CPAMD8: variants seen among roughly 807,000 people sequenced by gnomAD.
CPAMD8 encodes C3 and PZP like alpha-2-macroglobulin domain containing 8, also known as C3 and PZP-like alpha-2-macroglobulin domain-containing protein 8.
A neutral mutation model predicts 224.7 loss-of-function variants in CPAMD8; 146 were observed. The ratio of observed to expected loss-of-function variants is 0.65; its 90% confidence interval spans 0.57 to 0.75. The LOEUF is 0.75. CPAMD8 is among the 30% of genes least tolerant of loss of function. CPAMD8 has a pLI of 0.00. For missense variants in CPAMD8, 2,301 were observed against 2,537.5 expected, an observed-to-expected ratio of 0.91 and a Z score of 2.00; for synonymous variants, 966 against 1,044.6, an observed-to-expected ratio of 0.92 and a Z score of 1.45.
chr19:16,904,477 A>G lies in CPAMD8; in HGVS notation c.4103T>C (p.Val1368Ala), dbSNP rs1451604975. ...KGTFLSFSDR[V>A]SQSVVSAEVE... ...GGGGTGGCCAGTACCTGACTGAGAGACCCTGTCACTGAAGCTCAAGAATGT... is the reference window on the plus strand; with the variant it reads ...GGGGTGGCCAGTACCTGACTGAGAGGCCCTGTCACTGAAGCTCAAGAATGT... Residue 1368 changes from valine to alanine, a missense_variant, in exon 31 of 42, where the codon GTC becomes GCC. Coordinates refer to ENST00000443236, the MANE Select transcript of CPAMD8 (RefSeq NM_015692.5). The G allele has an allele frequency of 6.2e-7, 1 of 1,613,886 alleles. No homozygotes were observed. The highest frequency in any genetic ancestry group is 1.1e-5 in the South Asian group (1 of 91,084).
intron 27 of CPAMD8, among the ~76,000 whole-genome samples, chr19:16,918,261 C>T (rs1460988834): frequency 1.3e-5 from 2 of 152,154 alleles, no homozygotes; most frequent in Non-Finnish European, 2.9e-5. Context: ...TCCCAAAGTG[C>T]TGGGATTCCA....
chr19:17,021,302 C>T (rs2056949709), intron 2 of CPAMD8, among the ~76,000 whole-genome samples: 1 of 152,136 alleles, frequency 6.6e-6, no homozygotes, highest in African/African-American at 2.4e-5. Flanking sequence ...AGTTGGCTAG[C>T]CACCCAAGTC....
rs766938246 is a variant in CPAMD8 at position 17,017,259 on chromosome 19, G to T, written c.267+3072C>A. 5.8e-4 allele frequency among the ~76,000 whole-genome samples: 88 copies of T among 152,160 alleles called. 1 individual carries two copies. The highest frequency in any genetic ancestry group is 2.2e-3 in the Admixed American group (33 of 15,262). On this transcript the variant is annotated intron_variant, in intron 3 of 41. Transcript: ENST00000443236. ...CCCAGGTGGGACCATCTAGTTGAAGGAAAACAAGCTCAGGGCTTGCACTGT... is the reference window on the plus strand; with the variant it reads ...CCCAGGTGGGACCATCTAGTTGAAGTAAAACAAGCTCAGGGCTTGCACTGT...
rs1379966371 is a variant in CPAMD8, at chr19:16,923,833, G to A, written c.3547+1363C>T. On this transcript the variant is annotated intron_variant, in intron 26 of 41. Transcript: ENST00000443236. ...TGGCTGGGCATGGTGGTGCACACCTGTAGTCCCAGCTACTCAGGAGGCTGA... is the reference window on the plus strand; with the variant it reads ...TGGCTGGGCATGGTGGTGCACACCTATAGTCCCAGCTACTCAGGAGGCTGA... Among the ~76,000 whole-genome samples, 3 of 152,272 alleles carry A rather than the reference G, an allele frequency of 2.0e-5. No homozygotes were observed. The East Asian group carries it at 5.8e-4, about 29-fold the overall frequency.
chr19:16,970,354 C>T (rs1188131286), intron 18 of CPAMD8, among the ~76,000 whole-genome samples: 12 of 151,882 alleles, frequency 7.9e-5, no homozygotes, highest in East Asian at 7.7e-4. Context: ...TGAGAGGCTG[C>T]GGCAGGCAAA....
chr19:16,951,491 G>A (rs2054294842), intron 20 of CPAMD8, among the ~76,000 whole-genome samples: 1 of 152,132 alleles, frequency 6.6e-6, no homozygotes, highest in Non-Finnish European at 1.5e-5. Context: ...GATCATCTAG[G>A]TTGCTTTTAT....
rs775147542 is a variant in CPAMD8 at position 16,893,225 on chromosome 19, G to A, written c.5541C>T (p.Gly1847=). ...GQTPAPQRHS[G]RVVGAHRPGL... is the part of the protein sequence containing the mutation. The stretch of plus-strand genomic sequence containing the variant: ...CTGGCCTGTGGGCCCCCACCACCCG[G>A]CCACTATGTCTCTGAGGGGCCGGAG... Residue 1847 remains glycine, a synonymous_variant, in exon 42 of 42, where the codon GGC becomes GGT. Coordinates refer to ENST00000443236, the MANE Select transcript of CPAMD8 (RefSeq NM_015692.5). The A allele has an allele frequency of 2.0e-5, 32 of 1,589,072 alleles. No homozygotes were observed. The highest frequency in any genetic ancestry group is 2.7e-5 in the Non-Finnish European group (32 of 1,166,626).
In CPAMD8 at chr19:16,961,395, C is replaced by T. The variant is rs149432060; in HGVS notation, c.2214-3480G>A. ...CCTGGCTGGGCGGGTCCCACGCCCG[C>T]AGAGCCTTGCTCACTGCTAGCACAG... On this transcript the variant is annotated intron_variant, in intron 18 of 41. Coordinates refer to ENST00000443236, the MANE Select transcript of CPAMD8 (RefSeq NM_015692.5). 1.6e-3 allele frequency among the ~76,000 whole-genome samples: 239 copies of T among 152,386 alleles called. 1 individual carries two copies. In the Middle Eastern group the frequency reaches 0.017, roughly 11 times the overall value.
At chr19:16,943,844 C>T (rs2053985607) in intron 22 of CPAMD8, among the ~76,000 whole-genome samples, 1 of 152,206 alleles carries the variant, frequency 6.6e-6, no homozygotes, top group Admixed American at 6.5e-5. Flanking sequence ...GGGGCTCTCA[C>T]TCCAGAGCCC....
chr19:17,000,652 C>G (rs1312307085), intron 9 of CPAMD8, 130 bp from the exon 10 acceptor site: 1 of 565,052 alleles, frequency 1.8e-6, no homozygotes, highest in Non-Finnish European at 3.2e-6. Context: ...CCACACCCTG[C>G]ATCCTGTCCT....
At position 16,951,681 on chromosome 19, in the gene CPAMD8, T is replaced by C. The variant is rs140997381; in HGVS notation, c.2508+288A>G. ...CAGCTCCACTTACACCAAGTCCCTC[T>C]CACTCACACACATGCGTCCCCACCT... On this transcript the variant is annotated intron_variant, in intron 20 of 41. Transcript: ENST00000443236. Among the ~76,000 whole-genome samples, 120 of 152,216 alleles carry C rather than the reference T, an allele frequency of 7.9e-4. 1 individual carries two copies. In the Middle Eastern group the frequency reaches 0.014, roughly 17 times the overall value.
chr19:17,004,059 C>A (rs2056413743), intron 8 of CPAMD8, among the ~76,000 whole-genome samples: 1 of 151,964 alleles, frequency 6.6e-6, no homozygotes, highest in Non-Finnish European at 1.5e-5. Flanking sequence ...GTGCGCGCCA[C>A]CACGCCCGGC....
chr19:16,969,828 C>T (rs1343013730), intron 18 of CPAMD8, among the ~76,000 whole-genome samples: 2 of 145,140 alleles, frequency 1.4e-5, no homozygotes, highest in African/African-American at 5.2e-5. Context: ...GAGCCAAGCT[C>T]GTACCACTGC....
At chr19:16,955,851 A>T (rs929688004) in intron 19 of CPAMD8, among the ~76,000 whole-genome samples, 21 of 151,312 alleles carry the variant, frequency 1.4e-4, no homozygotes, top group African/African-American at 3.2e-4. Flanking sequence ...TAATTTAAAA[A>T]TTTTTTTTAG....
At chr19:16,941,906 G>A (rs925331021) in intron 22 of CPAMD8, among the ~76,000 whole-genome samples, 1 of 152,176 alleles carries the variant, frequency 6.6e-6, no homozygotes, top group African/African-American at 2.4e-5. Context: ...AAGGAGGCTG[G>A]AGGTTGCAAT....
chr19:16,945,762 T>A, intron 21 of CPAMD8, 83 bp from the exon 22 acceptor site: 1 of 1,278,502 alleles, frequency 7.8e-7, no homozygotes, highest in Non-Finnish European at 1.1e-6. Context: ...ATCCCAGATG[T>A]GTGTGCATGC....
intron 41 of CPAMD8, chr19:16,895,489 G>C: frequency 5.4e-6 from 1 of 186,588 alleles, no homozygotes; most frequent in Non-Finnish European, 1.1e-5. Context: ...AATTACAGAC[G>C]GGTAGGGGGA....
At chr19:16,993,345 C>A in intron 12 of CPAMD8, 71 bp downstream of exon 12, 1 of 1,355,676 alleles carries the variant, frequency 7.4e-7, no homozygotes, top group Non-Finnish European at 1.0e-6. Context: ...CAGGTGCCTG[C>A]ACCCAGCCTG....
rs752956699 is a variant in CPAMD8 at position 16,989,745 on chromosome 19, C to T, written c.1293G>A (p.Lys431=). 3 of 1,613,858 alleles carry T rather than the reference C, an allele frequency of 1.9e-6. No individual in the cohort carries two copies. The highest frequency in any genetic ancestry group is 1.3e-5 in the African/African-American group (1 of 74,914). The stretch of plus-strand genomic sequence containing the variant: ...TGGGCAGGTACTGAGCCCCCACAGG[C>T]TTCCCGTTCAGTGCCATCACCTTGG... ...LETKVMALNG[K]PVGAQYLPSY... The change falls in exon 13 of 42, where the codon AAG becomes AAA. Residue 431 remains lysine (K), a synonymous_variant. Coordinates refer to ENST00000443236, the MANE Select transcript of CPAMD8 (RefSeq NM_015692.5).
Sources: gnomAD v4.1 joint callset for allele counts (sites outside exome capture counted in the v4.1 genomes callset) on GRCh38, gnomAD v4.1.1 for gene constraint, MANE v1.5 for transcripts, NCBI Gene and HGNC (gene_info 2026-07-23, HGNC 2026-07-21) for gene names.